The following NOL4 variants were observed in gnomAD, a reference collection of about 807,000 sequenced individuals.
The protein encoded by NOL4 is nucleolar protein 4.
Under a neutral mutation model 75.9 loss-of-function variants are expected in NOL4, and 17 were observed. That is an observed-to-expected ratio of 0.22 (90% CI 0.15 to 0.34). The LOEUF is 0.34. NOL4 is among the 10% of genes least tolerant of loss of function. The probability of loss-of-function intolerance (pLI) is 1.00; values close to 1 mark genes in which losing one functional copy is unlikely to be tolerated. For missense variants in NOL4, 614 were observed against 793.5 expected, an observed-to-expected ratio of 0.77 and a Z score of 2.72; for synonymous variants, 292 against 289.9, an observed-to-expected ratio of 1.01 and a Z score of -0.07.
At chr18:34,052,396 C>A (rs927938699) in intron 5 of NOL4, among the ~76,000 whole-genome samples, 7 of 151,756 alleles carry the variant, frequency 4.6e-5, no homozygotes, top group Non-Finnish European at 1.0e-4. Context: ...ATTTGTACAG[C>A]AAAATAAATT....
intron 5 of NOL4, among the ~76,000 whole-genome samples, chr18:34,053,460 G>GA (rs1205146630): frequency 6.6e-6 from 1 of 151,918 alleles, no homozygotes; most frequent in African/African-American, 2.4e-5. Flanking sequence ...AACATATGGA[G>GA]AAAAAAGCTT....
chr18:34,096,112 C>T (rs2078765759), intron 4 of NOL4, among the ~76,000 whole-genome samples: 1 of 151,804 alleles, frequency 6.6e-6, no homozygotes, highest in Non-Finnish European at 1.5e-5. Context: ...AAAATGTATG[C>T]TGACACTCTT....
At position 34,166,759 on chromosome 18, in the gene NOL4, C is replaced by T. The variant is rs1297455549; in HGVS notation, c.265-36739G>A. Among the ~76,000 whole-genome samples the T allele has an allele frequency of 1.0e-4, 4 of 39,154 alleles. 2 individuals are homozygous for T. Among genetic ancestry groups the T allele is most frequent in the Non-Finnish European group, 2.4e-4 (4 of 16,504 alleles). 25.7% of individuals were successfully genotyped at this position (39,154 alleles called of 152,430 possible). ...AAAAATATAATAGTAAAAAAAAGGC[C>T]GGGCGCGGTGGCTCACGCCTGTAAT... On this transcript the variant is annotated intron_variant, in intron 1 of 10. Transcript: ENST00000261592.
intron 9 of NOL4, among the ~76,000 whole-genome samples, chr18:33,926,533 G>A (rs1013633639): frequency 6.6e-6 from 1 of 152,094 alleles, no homozygotes. Context: ...TAACCAACAA[G>A]AAAGACATTG....
chr18:33,851,987 T>A lies in NOL4; in HGVS notation c.*855A>T, dbSNP rs956578600. 6.6e-6 allele frequency: 1 copy of A among 152,372 alleles called. No individual in the cohort carries two copies. The highest frequency in any genetic ancestry group is 2.4e-5 in the African/African-American group (1 of 41,374). 9.4% of individuals were successfully genotyped at this position (152,372 alleles called of 1,614,324 possible). Reference sequence around the variant, plus strand: ...AGCGGCAATCAGGAACGAGCAGCTCTAAGAAACCAAGGTGTGATTTTTTTT... The same window carrying A: ...AGCGGCAATCAGGAACGAGCAGCTCAAAGAAACCAAGGTGTGATTTTTTTT... On this transcript the variant is annotated 3_prime_UTR_variant, in exon 11 of 11. Transcript: ENST00000261592.
intron 2 of NOL4, among the ~76,000 whole-genome samples, chr18:34,111,676 G>T (rs1420299166): frequency 6.6e-6 from 1 of 152,066 alleles, no homozygotes; most frequent in Non-Finnish European, 1.5e-5. Context: ...ATAGGCAAAA[G>T]ACATGAATCG....
intron 9 of NOL4, among the ~76,000 whole-genome samples, chr18:33,908,027 C>G (rs963625931): frequency 6.6e-6 from 1 of 151,934 alleles, no homozygotes; most frequent in Non-Finnish European, 1.5e-5. Context: ...GAGTATAAGA[C>G]AGGACCTACA....
At chr18:34,013,019 T>C (rs540510932) in intron 6 of NOL4, among the ~76,000 whole-genome samples, 4 of 151,970 alleles carry the variant, frequency 2.6e-5, no homozygotes, top group Admixed American at 6.6e-5. Flanking sequence ...ATTAATAATG[T>C]CGCTGGAATG....
intron 9 of NOL4, among the ~76,000 whole-genome samples, chr18:33,941,811 C>T (rs2068508257): frequency 6.6e-6 from 1 of 151,900 alleles, no homozygotes; most frequent in Non-Finnish European, 1.5e-5. Flanking sequence ...CTCCCCTAAT[C>T]ACTATGCCAG....
intron 1 of NOL4, among the ~76,000 whole-genome samples, chr18:34,196,070 A>G (rs958695521): frequency 6.6e-6 from 1 of 152,170 alleles, no homozygotes; most frequent in African/African-American, 2.4e-5. Context: ...ATGATTATGT[A>G]TACCTGCTTT....
At chr18:33,882,334 A>G (rs1322353423) in intron 10 of NOL4, among the ~76,000 whole-genome samples, 1 of 152,170 alleles carries the variant, frequency 6.6e-6, no homozygotes, top group Non-Finnish European at 1.5e-5. Context: ...TCCAGAATCT[A>G]CAATGAACTC....
At chr18:34,093,321 C>T (rs1377587773) in intron 5 of NOL4, 144 bp downstream of exon 5, 3 of 785,598 alleles carry the variant, frequency 3.8e-6, no homozygotes, top group Non-Finnish European at 2.0e-6. Flanking sequence ...ATGATATAAC[C>T]TAAATACATA....
intron 10 of NOL4, among the ~76,000 whole-genome samples, 168 bp downstream of exon 10, chr18:33,883,076 G>A (rs2064399471): frequency 6.6e-6 from 1 of 152,010 alleles, no homozygotes; most frequent in South Asian, 2.1e-4. Context: ...GGAGGGGGGA[G>A]CGATAGCATT....
chr18:33,856,100 G>A (rs62097767), intron 10 of NOL4, among the ~76,000 whole-genome samples: 9,574 of 151,990 alleles, frequency 0.063, 413 homozygotes, highest in East Asian at 0.13. Context: ...CTCATTTACC[G>A]TATCATTCTG....
intron 4 of NOL4, 34 bp downstream of exon 4, chr18:34,104,013 G>A (rs748336579): frequency 9.9e-6 from 14 of 1,409,860 alleles, no homozygotes; most frequent in Non-Finnish European, 1.4e-5. Flanking sequence ...GTTCCAATTT[G>A]TAAGTAATAC....
chr18:34,040,408 A>G (rs1400874606), intron 5 of NOL4, among the ~76,000 whole-genome samples: 1 of 151,964 alleles, frequency 6.6e-6, no homozygotes, highest in Non-Finnish European at 1.5e-5. Flanking sequence ...GATTGAAGCT[A>G]TTTTCAAAAT....
At chr18:34,127,463 G>A (rs572963881) in intron 2 of NOL4, among the ~76,000 whole-genome samples, 3 of 151,976 alleles carry the variant, frequency 2.0e-5, no homozygotes, top group African/African-American at 7.2e-5. Flanking sequence ...ATAAGCTAAT[G>A]TTTAAGAATT....
intron 1 of NOL4, among the ~76,000 whole-genome samples, chr18:34,192,257 T>C (rs542115308): frequency 6.2e-4 from 95 of 152,242 alleles, no homozygotes; most frequent in African/African-American, 1.7e-3. Flanking sequence ...TGTTCATGAT[T>C]TGAGAGAATA....
At chr18:34,201,690 T>C (rs2035754228) in intron 1 of NOL4, among the ~76,000 whole-genome samples, 1 of 151,860 alleles carries the variant, frequency 6.6e-6, no homozygotes, top group Non-Finnish European at 1.5e-5. Context: ...CATTCCTAAG[T>C]TCCACAGATT....
Sources: gnomAD v4.1 joint callset for allele counts (sites outside exome capture counted in the v4.1 genomes callset) on GRCh38, gnomAD v4.1.1 for gene constraint, MANE v1.5 for transcripts, NCBI Gene and HGNC (gene_info 2026-07-23, HGNC 2026-07-21) for gene names.